Variants in NKAIN2 observed in about 807,000 individuals in gnomAD.
NKAIN2 encodes the protein sodium/potassium-transporting ATPase subunit beta-1-interacting protein 2.
Under a neutral mutation model 32.6 loss-of-function variants are expected in NKAIN2, and 14 were observed. The ratio of observed to expected loss-of-function variants is 0.43; its 90% confidence interval spans 0.28 to 0.67. The LOEUF is 0.67. Among genes scored for constraint, NKAIN2 ranks in the 30% least tolerant of loss-of-function variants. The pLI is 0.17. For synonymous variants in NKAIN2, 80 were observed against 87.2 expected (o/e 0.92, Z 0.46); for missense variants, 198 against 258.3 (o/e 0.77, Z 1.60).
chr6:124,103,482 T>C (rs748873330), intron 1 of NKAIN2, among the ~76,000 whole-genome samples: 1 of 152,188 alleles, frequency 6.6e-6, no homozygotes, highest in Non-Finnish European at 1.5e-5. Flanking sequence ...ATCAGTATCT[T>C]TAGTGCTATA....
At position 124,373,145 on chromosome 6, in the gene NKAIN2, T is replaced by C. The variant is rs1035441641; in HGVS notation, c.273+17798T>C. Among the ~76,000 whole-genome samples the C allele has an allele frequency of 2.6e-4, 39 of 152,254 alleles. 1 individual carries two copies. Among genetic ancestry groups the C allele is most frequent in the African/African-American group, 8.9e-4 (37 of 41,568 alleles). On this transcript the variant is annotated intron_variant, in intron 3 of 6. Coordinates refer to ENST00000368417, the MANE Select transcript of NKAIN2 (RefSeq NM_001040214.3). ...AGTAATGGAGGCAGTAAAAAGTATATATCCTAATGTCATATAAGATTACAT... is the reference window on the plus strand; with the variant it reads ...AGTAATGGAGGCAGTAAAAAGTATACATCCTAATGTCATATAAGATTACAT...
intron 3 of NKAIN2, among the ~76,000 whole-genome samples, chr6:124,375,252 T>C (rs1470573755): frequency 6.6e-6 from 1 of 151,974 alleles, no homozygotes; most frequent in East Asian, 1.9e-4. Flanking sequence ...CTGCTAATCA[T>C]GGCACTTATC....
chr6:124,421,533 C>CTA (rs34070375), intron 3 of NKAIN2, among the ~76,000 whole-genome samples: 29,292 of 152,026 alleles, frequency 0.19, 2,894 homozygotes, highest in East Asian at 0.24. Flanking sequence ...AAGGACTTAA[C>CTA]TATAACATTT....
chr6:124,141,589 A>AC (rs1787142584), intron 1 of NKAIN2, among the ~76,000 whole-genome samples: 1 of 149,762 alleles, frequency 6.7e-6, no homozygotes, highest in Non-Finnish European at 1.5e-5. Context: ...TTTCTTGCTC[A>AC]TTTTTTTTTC....
intron 4 of NKAIN2, among the ~76,000 whole-genome samples, chr6:124,694,397 G>A (rs117215182): frequency 0.012 from 1,781 of 152,276 alleles, 23 homozygotes; most frequent in Non-Finnish European, 0.017. Flanking sequence ...AATTGCATAG[G>A]CAGTGTTATT....
chr6:123,912,376 T>C (rs1775258889), intron 1 of NKAIN2, among the ~76,000 whole-genome samples: 1 of 152,156 alleles, frequency 6.6e-6, no homozygotes, highest in African/African-American at 2.4e-5. Flanking sequence ...CTTTAGTCAA[T>C]GATAGCATTT....
chr6:124,641,050 T>C (rs1432119205), intron 3 of NKAIN2, among the ~76,000 whole-genome samples: 1 of 152,218 alleles, frequency 6.6e-6, no homozygotes, highest in Non-Finnish European at 1.5e-5. Context: ...GGGTTTAACA[T>C]GTTCCTGTAC....
intron 5 of NKAIN2, among the ~76,000 whole-genome samples, chr6:124,801,876 A>C (rs1379171437): frequency 2.0e-5 from 3 of 152,200 alleles, no homozygotes; most frequent in African/African-American, 7.2e-5. Flanking sequence ...CCTTTTTTAA[A>C]AGGTACTACT....
chr6:124,037,639 A>G (rs557128263), intron 1 of NKAIN2, among the ~76,000 whole-genome samples: 2 of 152,306 alleles, frequency 1.3e-5, no homozygotes, highest in African/African-American at 4.8e-5. Context: ...TGGAAATGAC[A>G]TAATCTTTCT....
At chr6:124,233,541 C>G (rs999420403) in intron 1 of NKAIN2, among the ~76,000 whole-genome samples, 6 of 152,176 alleles carry the variant, frequency 3.9e-5, no homozygotes, top group Non-Finnish European at 8.8e-5. Context: ...ATGCTTGGTC[C>G]TTTTCCTTGT....
intron 4 of NKAIN2, among the ~76,000 whole-genome samples, chr6:124,766,178 C>T (rs937373169): frequency 6.6e-6 from 1 of 152,138 alleles, no homozygotes; most frequent in African/African-American, 2.4e-5. Flanking sequence ...ACTACCTTTC[C>T]ATGAGGAGAT....
chr6:124,452,537 C>A (rs192902152), intron 3 of NKAIN2, among the ~76,000 whole-genome samples: 2 of 151,944 alleles, frequency 1.3e-5, no homozygotes, highest in African/African-American at 2.4e-5. Flanking sequence ...AAATATGTAA[C>A]CTTTTTACTG....
chr6:124,787,116 T>C (rs950525821), intron 4 of NKAIN2, among the ~76,000 whole-genome samples: 3 of 152,134 alleles, frequency 2.0e-5, no homozygotes, highest in African/African-American at 7.2e-5. Context: ...ACTCCGAGAA[T>C]GGATTACCAG....
chr6:123,922,327 C>T (rs913884076), intron 1 of NKAIN2, among the ~76,000 whole-genome samples: 15 of 152,208 alleles, frequency 9.9e-5, no homozygotes, highest in Admixed American at 9.8e-4. Flanking sequence ...GAAAATAAAT[C>T]CTCACCTGGA....
intron 4 of NKAIN2, among the ~76,000 whole-genome samples, chr6:124,777,976 A>ACAC (rs1562377960): frequency 4.2e-5 from 5 of 119,966 alleles, no homozygotes; most frequent in African/African-American, 1.5e-4. Context: ...CACACACACA[A>ACAC]ACACACACAC....
chr6:124,315,216 C>T lies in NKAIN2; in HGVS notation c.192+32074C>T, dbSNP rs114163041. Among the ~76,000 whole-genome samples the T allele has an allele frequency of 9.0e-3, 1,372 of 152,154 alleles. 18 individuals carry two copies. Among genetic ancestry groups the T allele is most frequent in the African/African-American group, 0.031 (1,271 of 41,518 alleles). Reference sequence around the variant, plus strand: ...TTTGGTGCATCCCAGATCAACAAGTCTTGCATCTTGGGTTTGTAAACTAAT... The same window carrying T: ...TTTGGTGCATCCCAGATCAACAAGTTTTGCATCTTGGGTTTGTAAACTAAT... On this transcript the variant is annotated intron_variant, in intron 2 of 6. Transcript: ENST00000368417.
chr6:124,732,845 C>T (rs552595623), intron 4 of NKAIN2, among the ~76,000 whole-genome samples: 1 of 151,890 alleles, frequency 6.6e-6, no homozygotes, highest in Non-Finnish European at 1.5e-5. Flanking sequence ...GATTTGAAAG[C>T]TTATATCCAT....
At chr6:123,812,612 T>A (rs952705869) in intron 1 of NKAIN2, among the ~76,000 whole-genome samples, 2 of 152,210 alleles carry the variant, frequency 1.3e-5, no homozygotes, top group African/African-American at 4.8e-5. Context: ...CCAGAACACC[T>A]TGGAGAGGGC....
At chr6:123,983,059 A>G (rs375362937) in intron 1 of NKAIN2, among the ~76,000 whole-genome samples, 4 of 142,938 alleles carry the variant, frequency 2.8e-5, no homozygotes, top group African/African-American at 1.0e-4. Flanking sequence ...AGTGAGGAAG[A>G]GAGTGGATCA....
Sources: allele counts gnomAD v4.1 joint callset (sites outside exome capture counted in the v4.1 genomes callset), GRCh38; gene constraint gnomAD v4.1.1; transcripts MANE v1.5; gene names NCBI Gene and HGNC (gene_info 2026-07-23, HGNC 2026-07-21).